TRIB3: variants seen among roughly 807,000 people sequenced by gnomAD.
TRIB3 encodes tribbles homolog 3.
Under a neutral mutation model 16.6 loss-of-function variants are expected in TRIB3, and 20 were observed. That is an observed-to-expected ratio of 1.20 (90% CI 0.85 to 1.75). The LOEUF (loss-of-function observed/expected upper bound fraction) is 1.75, where lower values mean the gene tolerates loss of function less well. Among genes scored for constraint, TRIB3 ranks in the 40% most tolerant of loss-of-function variants. The probability of loss-of-function intolerance (pLI) is 0.00; values close to 1 mark genes in which losing one functional copy is unlikely to be tolerated. For synonymous variants in TRIB3, 208 were observed against 217.0 expected (o/e 0.96, Z 0.36); for missense variants, 484 against 488.9 (o/e 0.99, Z 0.10).
Position 395,468 on chromosome 20 carries a change from CT to C in TRIB3, c.585-720del, listed in dbSNP as rs147798995. 6.7e-5 allele frequency among the ~76,000 whole-genome samples: 10 copies of C among 149,850 alleles called. 1 individual carries two copies. Among genetic ancestry groups the C allele is most frequent in the Admixed American group, 5.3e-4 (8 of 14,994 alleles). ...GAGCCACCGCGCCCAGCCTTACACA[CT>C]TTTTTTTTTGCCCTGCTTACCTGTT... On this transcript the variant is annotated intron_variant, in intron 3 of 3. Transcript: ENST00000217233.
Position 391,352 on chromosome 20 carries a change from T to C in TRIB3, c.357T>C (p.His119=). The change falls in exon 3 of 4, where the codon CAT becomes CAC. Residue 119 remains histidine (H), a synonymous_variant. Coordinates refer to ENST00000217233, the MANE Select transcript of TRIB3 (RefSeq NM_021158.5). ...ATGCGCGGCTGCCCCCGCACAAGCA[T>C]GTGGCTCGGCCCACTGAGGTCCTGG... is the stretch of plus-strand genomic sequence containing the variant. The part of the protein sequence containing the change: ...EPYARLPPHK[H]VARPTEVLAG... 2 of 1,613,514 alleles carry C rather than the reference T, an allele frequency of 1.2e-6. No individual in the cohort carries two copies. Among genetic ancestry groups the C allele is most frequent in the Non-Finnish European group, 1.7e-6 (2 of 1,180,020 alleles).
intron 2 of TRIB3, among the ~76,000 whole-genome samples, chr20:389,893 C>T (rs1371410831): frequency 2.0e-5 from 3 of 152,170 alleles, no homozygotes; most frequent in African/African-American, 4.8e-5. Context: ...AAATGATCAA[C>T]TTATTCATTA....
intron 2 of TRIB3, among the ~76,000 whole-genome samples, chr20:390,508 G>T (rs1310583905): frequency 6.6e-6 from 1 of 152,190 alleles, no homozygotes; most frequent in Non-Finnish European, 1.5e-5. Flanking sequence ...GGCCCGTGCA[G>T]GCCCAGGGCC....
At chr20:391,253 C>G in intron 2 of TRIB3, 34 bp from the exon 3 acceptor site, 1 of 1,594,322 alleles carries the variant, frequency 6.3e-7, no homozygotes. Context: ...TCCCGGGAGT[C>G]CCCAGCTGTG....
intron 3 of TRIB3, among the ~76,000 whole-genome samples, chr20:393,031 A>T (rs1253030163): frequency 1.4e-5 from 2 of 143,148 alleles, no homozygotes; most frequent in Non-Finnish European, 3.0e-5. Context: ...ATGGCATTTT[A>T]AAAAACTTTT....
At chr20:394,426 A>C (rs1384479625) in intron 3 of TRIB3, among the ~76,000 whole-genome samples, 2 of 152,212 alleles carry the variant, frequency 1.3e-5, no homozygotes, top group Non-Finnish European at 2.9e-5. Context: ...CATAACTTCA[A>C]ACACATTTTA....
At chr20:392,781 C>G (rs1181462616) in intron 3 of TRIB3, among the ~76,000 whole-genome samples, 1 of 152,046 alleles carries the variant, frequency 6.6e-6, no homozygotes, top group South Asian at 2.1e-4. Flanking sequence ...TGGTCTTGAA[C>G]TCTTGACCTT....
chr20:392,568 T>TTTTAATTGAGACAGAGTCTCACTC (rs2015009770), intron 3 of TRIB3, among the ~76,000 whole-genome samples: 1 of 151,948 alleles, frequency 6.6e-6, no homozygotes, highest in Non-Finnish European at 1.5e-5. Flanking sequence ...TTTTTTTTTT[T>TTTTAATTGAGACAGAGTCTCACTC]TTAATTGAGA....
chr20:382,771 G>T, intron 1 of TRIB3: 1 of 652,240 alleles, frequency 1.5e-6, no homozygotes, highest in Non-Finnish European at 2.7e-6. Flanking sequence ...AGCTAGAAAG[G>T]GTTTGAGACA....
intron 1 of TRIB3, among the ~76,000 whole-genome samples, chr20:383,248 A>G (rs1473046208): frequency 6.6e-6 from 1 of 152,172 alleles, no homozygotes; most frequent in Non-Finnish European, 1.5e-5. Context: ...ATGGCTGCAC[A>G]TTGTTCCGTT....
chr20:390,918 C>G (rs549026223), intron 2 of TRIB3, among the ~76,000 whole-genome samples: 1 of 145,178 alleles, frequency 6.9e-6, no homozygotes, highest in East Asian at 2.1e-4. Context: ...GGGAGAATCA[C>G]TTGAATCCAG....
chr20:396,120 C>T (rs201052505), intron 3 of TRIB3, 78 bp from the exon 4 acceptor site: 4 of 1,536,610 alleles, frequency 2.6e-6, no homozygotes, highest in Non-Finnish European at 3.5e-6. Flanking sequence ...AAGTGGGTGC[C>T]ACAAGGGTGA....
chr20:396,635 G>T lies in TRIB3; in HGVS notation c.1022G>T (p.Gly341Val). 1 of 1,613,002 alleles carries T rather than the reference G, an allele frequency of 6.2e-7. No individual in the cohort carries two copies. Among genetic ancestry groups the T allele is most frequent in the South Asian group, 1.1e-5 (1 of 91,080 alleles). ...EAAQVVPDGL[G>V]LDEAREEEGD... ...GCCCAGGTGGTCCCTGATGGACTGGGGCTGGACGAAGCCAGGGAAGAGGAG... is the reference window on the plus strand; with the variant it reads ...GCCCAGGTGGTCCCTGATGGACTGGTGCTGGACGAAGCCAGGGAAGAGGAG... The change falls in exon 4 of 4, where the codon GGG becomes GTG. Residue 341 changes from glycine (G) to valine (V), a missense_variant. Gly to Val is a moderately radical substitution (Grantham distance 109, BLOSUM62 -3). Coordinates refer to ENST00000217233, the MANE Select transcript of TRIB3 (RefSeq NM_021158.5).
intron 1 of TRIB3, chr20:382,749 G>A: frequency 1.4e-6 from 1 of 702,122 alleles, no homozygotes; most frequent in Non-Finnish European, 2.5e-6. Flanking sequence ...AACTTGACCA[G>A]GGGTACCCCC....
At position 384,101 on chromosome 20, in the gene TRIB3, C is replaced by T. The variant is rs1371298522; in HGVS notation, c.-1+2932C>T. On this transcript the variant is annotated intron_variant, in intron 1 of 3. Transcript: ENST00000217233. ...TCTTCCTCCTATGAGCCCTTAACTTCGCGTCTCCATCTAGCACCCCCTAGT... is the reference window on the plus strand; with the variant it reads ...TCTTCCTCCTATGAGCCCTTAACTTTGCGTCTCCATCTAGCACCCCCTAGT... Among the ~76,000 whole-genome samples, 7 of 152,084 alleles carry T rather than the reference C, an allele frequency of 4.6e-5. No homozygotes were observed. The East Asian group carries it at 5.8e-4, about 13-fold the overall frequency.
chr20:384,510 T>C (rs6051592), intron 1 of TRIB3, among the ~76,000 whole-genome samples: 57,169 of 151,896 alleles, frequency 0.38, 12,378 homozygotes, highest in African/African-American at 0.61. Context: ...ACTACAGGCA[T>C]GCACCACCAT....
intron 3 of TRIB3, 138 bp downstream of exon 3, chr20:391,717 G>C (rs1477189247): frequency 1.7e-6 from 2 of 1,205,762 alleles, no homozygotes; most frequent in Non-Finnish European, 2.3e-6. Context: ...CCCCTGTTTA[G>C]TTCCCTGAGA....
At chr20:391,647 G>A (rs1056119476) in intron 3 of TRIB3, 68 bp downstream of exon 3, 30 of 1,539,370 alleles carry the variant, frequency 1.9e-5, no homozygotes, top group East Asian at 9.1e-5. Flanking sequence ...GAGAGAAACC[G>A]AGGCCCAGGA....
At chr20:383,641 C>T (rs866494232) in intron 1 of TRIB3, among the ~76,000 whole-genome samples, 4 of 152,006 alleles carry the variant, frequency 2.6e-5, no homozygotes, top group Non-Finnish European at 5.9e-5. Flanking sequence ...GGTCTCGCTA[C>T]GTTGCCTAGG....
Sources: allele counts gnomAD v4.1 joint callset (sites outside exome capture counted in the v4.1 genomes callset), GRCh38; gene constraint gnomAD v4.1.1; transcripts MANE v1.5; gene names NCBI Gene and HGNC (gene_info 2026-07-23, HGNC 2026-07-21).